Variants in WDR25 observed in about 807,000 individuals in gnomAD.
The protein encoded by WDR25 is WD repeat domain 25.
WDR25 carries 35 observed loss-of-function variants against 47.7 expected under a neutral mutation model. The ratio of observed to expected loss-of-function variants is 0.73; its 90% CI spans 0.56 to 0.97. The LOEUF is 0.97. Ranked by LOEUF, WDR25 falls within the 50% of genes least tolerant of loss-of-function variation. The pLI is 0.00. For synonymous variants in WDR25, 248 were observed against 278.9 expected (o/e 0.89, Z 1.10); for missense variants, 634 against 704.7 (o/e 0.90, Z 1.14).
chr14:100,516,372 C>G (rs1901497042), intron 4 of WDR25, among the ~76,000 whole-genome samples: 1 of 152,116 alleles, frequency 6.6e-6, no homozygotes, highest in African/African-American at 2.4e-5. Flanking sequence ...TGCTTATTCT[C>G]TTTTGGTGGT....
chr14:100,522,937 A>G (rs2029929335), intron 4 of WDR25, among the ~76,000 whole-genome samples: 1 of 152,150 alleles, frequency 6.6e-6, no homozygotes, highest in South Asian at 2.1e-4. Flanking sequence ...GTCTTGGAGC[A>G]GCTTTCCTTT....
intron 3 of WDR25, among the ~76,000 whole-genome samples, chr14:100,475,885 A>AT (rs1555393484): frequency 2.0e-5 from 3 of 150,576 alleles, no homozygotes; most frequent in African/African-American, 7.3e-5. Flanking sequence ...TGTACCCCCA[A>AT]ATATATATAT....
chr14:100,527,974 C>T (rs1194458516), intron 5 of WDR25, among the ~76,000 whole-genome samples: 2 of 151,336 alleles, frequency 1.3e-5, no homozygotes, highest in Admixed American at 6.6e-5. Context: ...GATCTCGCGC[C>T]CCCTGTGTTT....
rs377634856 is a variant in WDR25 at position 100,525,547 on chromosome 14, TCG to T, written c.1102-322_1102-321del. Among the ~76,000 whole-genome samples the T allele has an allele frequency of 1.3e-5, 2 of 152,294 alleles. No individual in the cohort carries two copies. Among genetic ancestry groups the T allele is most frequent in the Middle Eastern group, 3.4e-3 (1 of 294 alleles). ...AGTGTTGATGGATGTCAATATGCTC[TCG>T]AGGTGCCCTTGGCGAGTCAAGGCCC... On this transcript the variant is annotated intron_variant, in intron 4 of 6. Coordinates refer to ENST00000402312, the MANE Select transcript of WDR25 (RefSeq NM_001161476.3). This position sits in a 1 kb window ranked among gnomAD's most constrained non-coding sequence, Gnocchi z 4.6.
At chr14:100,378,499 T>C (rs2140130346) in intron 1 of WDR25, among the ~76,000 whole-genome samples, 1 of 152,270 alleles carries the variant, frequency 6.6e-6, no homozygotes, top group East Asian at 1.9e-4. Context: ...TAGAAATTCA[T>C]TGCAGTGTGA....
At position 100,494,267 on chromosome 14, in the gene WDR25, G is replaced by A. The variant is rs996901384; in HGVS notation, c.1101+10143G>A. On this transcript the variant is annotated intron_variant, in intron 4 of 6. Coordinates refer to ENST00000402312, the MANE Select transcript of WDR25 (RefSeq NM_001161476.3). ...TTTGTTACAGTGCTTTTGATCTCAAGCAGTTATTTTTGGTCTTTTCTTAGA... is the reference window on the plus strand; with the variant it reads ...TTTGTTACAGTGCTTTTGATCTCAAACAGTTATTTTTGGTCTTTTCTTAGA... 4.9e-4 allele frequency among the ~76,000 whole-genome samples: 74 copies of A among 152,308 alleles called. 1 individual carries two copies. Among genetic ancestry groups the A allele is most frequent in the Non-Finnish European group, 2.8e-4 (19 of 68,012 alleles).
rs1003811736 is a variant in WDR25, at chr14:100,425,041, A to G, written c.823-42980A>G. On this transcript the variant is annotated intron_variant, in intron 2 of 6. Transcript: ENST00000402312. The surrounding 1 kb of genome is among the most constrained non-coding windows in gnomAD (Gnocchi z 4.8). Reference sequence around the variant, plus strand: ...CCTTCCTGGCCCAGGCTACCATCATATCTTGCCAAGACAAGTGCAGCAGCC... The same window carrying G: ...CCTTCCTGGCCCAGGCTACCATCATGTCTTGCCAAGACAAGTGCAGCAGCC... 2.0e-5 allele frequency among the ~76,000 whole-genome samples: 3 copies of G among 152,102 alleles called. No homozygotes were observed. The highest frequency in any genetic ancestry group is 7.2e-5 in the African/African-American group (3 of 41,420).
At chr14:100,465,452 AT>A (rs1190826466) in intron 2 of WDR25, among the ~76,000 whole-genome samples, 1 of 152,176 alleles carries the variant, frequency 6.6e-6, no homozygotes, top group African/African-American at 2.4e-5. Flanking sequence ...AAGTGCAGTT[AT>A]ATAGTATTTG....
rs114105177 is a variant in WDR25, at chr14:100,404,623, G to C, written c.822+22877G>C. ...TCTGTAGTGCTTCCTCCCAGGCATA[G>C]GGTCCGCTGGAGGCCTGGCGTTCCC... On this transcript the variant is annotated intron_variant, in intron 2 of 6. Transcript: ENST00000402312. The surrounding 1 kb of genome is among the most constrained non-coding windows in gnomAD (Gnocchi z 4.6). 4.0e-3 allele frequency among the ~76,000 whole-genome samples: 608 copies of C among 152,300 alleles called. 3 individuals carry two copies. The highest frequency in any genetic ancestry group is 0.014 in the African/African-American group (572 of 41,568).
At chr14:100,444,561 C>T (rs1455778954) in intron 2 of WDR25, among the ~76,000 whole-genome samples, 1 of 151,636 alleles carries the variant, frequency 6.6e-6, no homozygotes. Context: ...GCCCCAGGCC[C>T]CAGGCCCCAG....
chr14:100,485,085 C>T (rs770198623), intron 4 of WDR25, among the ~76,000 whole-genome samples: 15 of 152,190 alleles, frequency 9.9e-5, no homozygotes, highest in Non-Finnish European at 1.5e-4. Flanking sequence ...TCCTTGCCTT[C>T]CCTGAACATA....
At chr14:100,460,803 G>A (rs180814253) in intron 2 of WDR25, among the ~76,000 whole-genome samples, 4 of 152,170 alleles carry the variant, frequency 2.6e-5, no homozygotes, top group South Asian at 2.1e-4. Flanking sequence ...AGGGTGTCAC[G>A]GAGAGTTATT....
intron 2 of WDR25, among the ~76,000 whole-genome samples, chr14:100,403,311 C>T (rs1408959646): frequency 6.6e-6 from 1 of 152,218 alleles, no homozygotes; most frequent in African/African-American, 2.4e-5. Flanking sequence ...CGGGCCTGGG[C>T]TGCCTTGAAT....
chr14:100,481,041 C>G, intron 3 of WDR25: 1 of 422,274 alleles, frequency 2.4e-6, no homozygotes, highest in South Asian at 1.8e-5. Context: ...CCTGCTCCTG[C>G]AAAAGTGGAA....
At chr14:100,431,637 CTG>C (rs1476435133) in intron 2 of WDR25, among the ~76,000 whole-genome samples, 2 of 151,360 alleles carry the variant, frequency 1.3e-5, no homozygotes, top group African/African-American at 4.9e-5. Flanking sequence ...ACCTCCGACT[CTG>C]GGGTTCAAGT....
chr14:100,525,625 A>G lies in WDR25; in HGVS notation c.1102-245A>G, dbSNP rs2030084196. The stretch of plus-strand genomic sequence containing the variant: ...CTGCTGCTCTCAAGGGGTGATAGGG[A>G]TGCCTCTCTGGACCCATGTGGCAAT... On this transcript the variant is annotated intron_variant, in intron 4 of 6. Transcript: ENST00000402312. This position sits in a 1 kb window ranked among gnomAD's most constrained non-coding sequence, Gnocchi z 4.6. 6.6e-6 allele frequency among the ~76,000 whole-genome samples: 1 copy of G among 152,070 alleles called. No individual in the cohort carries two copies. The highest frequency in any genetic ancestry group is 1.5e-5 in the Non-Finnish European group (1 of 68,022).
chr14:100,479,161 A>G (rs1595131080), intron 3 of WDR25, among the ~76,000 whole-genome samples: 1 of 151,072 alleles, frequency 6.6e-6, no homozygotes, highest in South Asian at 2.1e-4. Context: ...TCTCCAGATG[A>G]CCCCCAGCCG....
chr14:100,391,724 A>G (rs1156415833), intron 2 of WDR25, among the ~76,000 whole-genome samples: 4 of 151,664 alleles, frequency 2.6e-5, no homozygotes, highest in African/African-American at 7.3e-5. Context: ...TTCCCTCCAC[A>G]TACTGCAGTA....
At chr14:100,486,107 GA>G (rs1294131376) in intron 4 of WDR25, among the ~76,000 whole-genome samples, 1 of 151,016 alleles carries the variant, frequency 6.6e-6, no homozygotes, top group African/African-American at 2.4e-5. Flanking sequence ...ACAAGTGAAA[GA>G]AAACATTTGA....
Sources: allele counts gnomAD v4.1 joint callset (sites outside exome capture counted in the v4.1 genomes callset), GRCh38; gene constraint gnomAD v4.1.1; non-coding constraint Gnocchi (gnomAD v3.1); transcripts MANE v1.5; gene names NCBI Gene and HGNC (gene_info 2026-07-23, HGNC 2026-07-21).